PARP8: variants seen among roughly 807,000 people sequenced by gnomAD.
PARP8 encodes the protein protein mono-ADP-ribosyltransferase PARP8.
A neutral mutation model predicts 124.1 loss-of-function variants in PARP8; 51 were observed. The observed-to-expected ratio is 0.41, with a 90% CI of 0.33 to 0.52. The LOEUF is 0.52. Among genes scored for constraint, PARP8 ranks in the 20% least tolerant of loss-of-function variants. The pLI, the probability that PARP8 is intolerant of heterozygous loss-of-function variation, is 0.21. For synonymous variants in PARP8, 391 were observed against 361.5 expected (o/e 1.08, Z -0.93); for missense variants, 860 against 1,018.9 (o/e 0.84, Z 2.12).
chr5:50,790,341 T>C (rs1230510675), intron 10 of PARP8, among the ~76,000 whole-genome samples: 1 of 152,146 alleles, frequency 6.6e-6, no homozygotes, highest in Non-Finnish European at 1.5e-5. Flanking sequence ...GTTTTTGTGA[T>C]TGGATTTTGT....
At chr5:50,769,813 A>T (rs1761422240) in intron 7 of PARP8, among the ~76,000 whole-genome samples, 2 of 152,168 alleles carry the variant, frequency 1.3e-5, no homozygotes, top group African/African-American at 4.8e-5. Context: ...AAGCAAAAAG[A>T]ATCATCTCCA....
chr5:50,784,320 G>T (rs1740999213), intron 9 of PARP8, among the ~76,000 whole-genome samples: 1 of 152,082 alleles, frequency 6.6e-6, no homozygotes, highest in Non-Finnish European at 1.5e-5. Flanking sequence ...TGAAACTAAA[G>T]ATAAGGATTA....
At chr5:50,722,745 A>C (rs1021060724) in intron 2 of PARP8, among the ~76,000 whole-genome samples, 1 of 152,090 alleles carries the variant, frequency 6.6e-6, no homozygotes, top group Admixed American at 6.6e-5. Flanking sequence ...TGTGGATGTT[A>C]TATGTGCTTA....
intron 19 of PARP8, among the ~76,000 whole-genome samples, chr5:50,827,667 T>C (rs1192151106): frequency 2.6e-5 from 4 of 152,204 alleles, no homozygotes; most frequent in African/African-American, 9.6e-5. Flanking sequence ...TTGCATACTG[T>C]ATTCCAAAGC....
At chr5:50,730,993 T>C (rs1756923825) in intron 2 of PARP8, among the ~76,000 whole-genome samples, 1 of 152,200 alleles carries the variant, frequency 6.6e-6, no homozygotes, top group South Asian at 2.1e-4. Flanking sequence ...CAAGAAAGAT[T>C]AGATCTTGTC....
At chr5:50,770,364 C>G (rs1275977875) in intron 7 of PARP8, among the ~76,000 whole-genome samples, 1 of 152,178 alleles carries the variant, frequency 6.6e-6, no homozygotes, top group Non-Finnish European at 1.5e-5. Flanking sequence ...CTTTCCTCAT[C>G]ATTCAGTTTA....
At chr5:50,810,827 A>G (rs939888473) in intron 14 of PARP8, among the ~76,000 whole-genome samples, 2 of 152,102 alleles carry the variant, frequency 1.3e-5, no homozygotes, top group African/African-American at 4.8e-5. Flanking sequence ...CAAGAGATAC[A>G]GAATCATTAT....
intron 2 of PARP8, among the ~76,000 whole-genome samples, chr5:50,677,808 G>C (rs1318447268): frequency 6.6e-6 from 1 of 151,856 alleles, no homozygotes; most frequent in African/African-American, 2.4e-5. Context: ...TTTTAAAACA[G>C]AAAAATGTTG....
intron 2 of PARP8, among the ~76,000 whole-genome samples, chr5:50,733,564 C>T (rs774865072): frequency 1.3e-5 from 2 of 152,032 alleles, no homozygotes; most frequent in Non-Finnish European, 2.9e-5. Context: ...CTACACTAAG[C>T]TATAGATAGC....
intron 2 of PARP8, among the ~76,000 whole-genome samples, chr5:50,747,981 T>C (rs1758801371): frequency 6.6e-6 from 1 of 151,920 alleles, no homozygotes; most frequent in Non-Finnish European, 1.5e-5. Context: ...TTTTTATCCA[T>C]TCTGGTAATC....
At chr5:50,758,041 G>T (rs1008014388) in intron 3 of PARP8, among the ~76,000 whole-genome samples, 14 of 152,178 alleles carry the variant, frequency 9.2e-5, no homozygotes, top group African/African-American at 3.4e-4. Flanking sequence ...CTTCAAATCA[G>T]TGAGACTCTG....
intron 7 of PARP8, among the ~76,000 whole-genome samples, chr5:50,772,187 A>AT (rs1449759891): frequency 2.6e-5 from 4 of 152,068 alleles, no homozygotes; most frequent in South Asian, 2.1e-4. Flanking sequence ...GATTTCCTTC[A>AT]TTTTTTTATG....
intron 11 of PARP8, 58 bp downstream of exon 11, chr5:50,794,390 C>T: frequency 6.3e-7 from 1 of 1,575,294 alleles, no homozygotes; most frequent in Admixed American, 1.7e-5. Flanking sequence ...TGATGTAGTT[C>T]ATGCTTACAG....
At chr5:50,806,619 C>T (rs567925404) in intron 14 of PARP8, among the ~76,000 whole-genome samples, 7 of 151,830 alleles carry the variant, frequency 4.6e-5, no homozygotes, top group South Asian at 4.2e-4. Flanking sequence ...AATCAGAAAA[C>T]GTTCTTAAAT....
At position 50,666,818 on chromosome 5, in the gene PARP8, C is replaced by T. The variant is rs1251746715; in HGVS notation, c.-278C>T. The T allele has an allele frequency of 1.0e-5, 13 of 1,238,676 alleles. No homozygotes were observed. The highest frequency in any genetic ancestry group is 1.3e-5 in the Non-Finnish European group (13 of 965,808). 76.7% of individuals were successfully genotyped at this position (1,238,676 alleles called of 1,614,324 possible). On this transcript the variant is annotated 5_prime_UTR_variant, in exon 1 of 26. Coordinates refer to ENST00000281631, the MANE Select transcript of PARP8 (RefSeq NM_024615.4). ...AGTGAGACTTGGTGTCATCACCATC[C>T]ATTGTCAGAAGGGGAGGAAATTGGA...
chr5:50,688,898 A>G (rs1488036892), intron 2 of PARP8, among the ~76,000 whole-genome samples: 1 of 152,190 alleles, frequency 6.6e-6, no homozygotes, highest in East Asian at 1.9e-4. Flanking sequence ...CAAGCTACTC[A>G]GACAAGAAAA....
chr5:50,766,247 A>G (rs538821392), intron 7 of PARP8, among the ~76,000 whole-genome samples: 1 of 152,230 alleles, frequency 6.6e-6, no homozygotes, highest in Non-Finnish European at 1.5e-5. Flanking sequence ...ATTGATGATA[A>G]TTCTGATTTA....
At chr5:50,780,105 T>G (rs1015622325) in intron 9 of PARP8, among the ~76,000 whole-genome samples, 1 of 152,198 alleles carries the variant, frequency 6.6e-6, no homozygotes, top group Non-Finnish European at 1.5e-5. Flanking sequence ...ATGAATTTAT[T>G]TTTATAAAGT....
intron 2 of PARP8, among the ~76,000 whole-genome samples, chr5:50,744,069 G>A (rs1416665038): frequency 1.3e-5 from 2 of 152,208 alleles, no homozygotes; most frequent in African/African-American, 2.4e-5. Flanking sequence ...GGATCCAGGA[G>A]TTTGACGTTA....
Sources: gnomAD v4.1 joint callset for allele counts (sites outside exome capture counted in the v4.1 genomes callset) on GRCh38, gnomAD v4.1.1 for gene constraint, MANE v1.5 for transcripts, NCBI Gene and HGNC (gene_info 2026-07-23, HGNC 2026-07-21) for gene names.